Variants in MTHFD1L observed in about 807,000 individuals in gnomAD.
MTHFD1L encodes methylenetetrahydrofolate dehydrogenase (NADP+ dependent) 1 like.
MTHFD1L carries 81 observed loss-of-function variants against 119.5 expected under a neutral mutation model. The ratio of observed to expected loss-of-function variants is 0.68; its 90% CI spans 0.57 to 0.82. The LOEUF (loss-of-function observed/expected upper bound fraction) is 0.82, where lower values mean the gene tolerates loss of function less well. MTHFD1L is among the 40% of genes least tolerant of loss of function. The pLI, the probability that MTHFD1L is intolerant of heterozygous loss-of-function variation, is 0.00. For synonymous variants in MTHFD1L, 430 were observed against 475.2 expected (o/e 0.90, Z 1.24); for missense variants, 1,125 against 1,253.4 (o/e 0.90, Z 1.55).
intron 26 of MTHFD1L, among the ~76,000 whole-genome samples, chr6:151,037,767 C>T (rs1327036747): frequency 2.6e-4 from 40 of 152,188 alleles, no homozygotes; most frequent in Admixed American, 2.6e-3. Context: ...TTTGGTACAG[C>T]TACACAGTGA....
rs568984240 is a variant in MTHFD1L at position 150,982,948 on chromosome 6, C to T, written c.2125+10890C>T. Among the ~76,000 whole-genome samples the T allele has an allele frequency of 2.6e-5, 4 of 152,304 alleles. No individual in the cohort carries two copies. In the South Asian group the frequency reaches 8.3e-4, roughly 32 times the overall value. On this transcript the variant is annotated intron_variant, in intron 20 of 27. Coordinates refer to ENST00000367321, the MANE Select transcript of MTHFD1L (RefSeq NM_015440.5). ...CTCCTGACCTCAGGTGATCCACCCA[C>T]CTTGGCCTCCCAAAGTACTGGGATT...
In MTHFD1L at chr6:151,019,447, A is replaced by ATT. The variant is rs150569860; in HGVS notation, c.2586+3762_2586+3763dup. Among the ~76,000 whole-genome samples, 19 of 151,448 alleles carry ATT rather than the reference A, an allele frequency of 1.3e-4. 2 individuals are homozygous for ATT. In the East Asian group the frequency reaches 1.7e-3, roughly 14 times the overall value. Reference sequence around the variant, plus strand: ...CCTTTTCCTTTCCACTGATATTTCAATTTTTTTTTCTGAATTCCCATTCTT... The same window carrying ATT: ...CCTTTTCCTTTCCACTGATATTTCAATTTTTTTTTTTCTGAATTCCCATTCTT... On this transcript the variant is annotated intron_variant, in intron 24 of 27. Transcript: ENST00000367321.
intron 26 of MTHFD1L, among the ~76,000 whole-genome samples, chr6:151,046,267 A>G (rs971273801): frequency 6.6e-6 from 1 of 151,736 alleles, no homozygotes; most frequent in African/African-American, 2.4e-5. Flanking sequence ...CTGATTTTTT[A>G]CTCTTTGCAT....
At chr6:150,949,225 C>T (rs1794507754) in intron 16 of MTHFD1L, 92 bp downstream of exon 16, 2 of 986,866 alleles carry the variant, frequency 2.0e-6, no homozygotes, top group African/African-American at 3.2e-5. Flanking sequence ...ACAGTTTGAT[C>T]CTGTCCAGTG....
chr6:151,054,524 C>T (rs1789578173), intron 26 of MTHFD1L, among the ~76,000 whole-genome samples: 1 of 152,216 alleles, frequency 6.6e-6, no homozygotes, highest in Non-Finnish European at 1.5e-5. Flanking sequence ...CCCGGCCCCT[C>T]TCCGGAGTGT....
chr6:150,979,632 C>A (rs1237214891), intron 20 of MTHFD1L, among the ~76,000 whole-genome samples: 1 of 152,136 alleles, frequency 6.6e-6, no homozygotes, highest in Non-Finnish European at 1.5e-5. Context: ...TCCCAAGTAG[C>A]TGGGATTACA....
At chr6:150,968,998 G>A (rs1353247929) in intron 19 of MTHFD1L, among the ~76,000 whole-genome samples, 1 of 151,464 alleles carries the variant, frequency 6.6e-6, no homozygotes, top group Non-Finnish European at 1.5e-5. Flanking sequence ...ACAGGCGCCC[G>A]CTACCATGCC....
At chr6:151,040,125 A>G (rs1339501992) in intron 26 of MTHFD1L, among the ~76,000 whole-genome samples, 1 of 152,104 alleles carries the variant, frequency 6.6e-6, no homozygotes, top group African/African-American at 2.4e-5. Flanking sequence ...AGAGCATGAA[A>G]TGGTAGAGTA....
intron 24 of MTHFD1L, 53 bp downstream of exon 24, chr6:151,015,746 G>T: frequency 6.4e-7 from 1 of 1,573,718 alleles, no homozygotes; most frequent in Non-Finnish European, 8.6e-7. Flanking sequence ...AGCATGGGTT[G>T]TCCCATTCTG....
chr6:151,037,167 G>C, intron 26 of MTHFD1L, 50 bp downstream of exon 26: 1 of 1,596,520 alleles, frequency 6.3e-7, no homozygotes. Flanking sequence ...CATTGCTGTG[G>C]TGCCTCAAAT....
Position 150,865,919 on chromosome 6 carries a change from A to AGCGGCG in MTHFD1L, c.105_110dup (p.Gly41_Gly42dup), listed in dbSNP as rs908417383. The AGCGGCG allele has an allele frequency of 4.2e-6, 5 of 1,197,794 alleles. No individual in the cohort carries two copies. The highest frequency in any genetic ancestry group is 3.2e-5 in the African/African-American group (2 of 62,160). 74.2% of individuals were successfully genotyped at this position (1,197,794 alleles called of 1,614,324 possible). Reference sequence around the variant, plus strand: ...CCTCCGTGTGCCCTGTCGCGCTAGCAGCGGCGGCGGCGGAGGCGGCGGCGG... The same window carrying AGCGGCG: ...CCTCCGTGTGCCCTGTCGCGCTAGCAGCGGCGGCGGCGGCGGCGGAGGCGGCGGCGG... On this transcript the variant is annotated inframe_insertion, in exon 1 of 28. Coordinates refer to ENST00000367321, the MANE Select transcript of MTHFD1L (RefSeq NM_015440.5).
intron 20 of MTHFD1L, among the ~76,000 whole-genome samples, chr6:150,996,944 C>A (rs1012258903): frequency 6.6e-6 from 1 of 152,144 alleles, no homozygotes; most frequent in Non-Finnish European, 1.5e-5. Context: ...GGAAAAGAGC[C>A]ACCTCTGCTC....
chr6:151,045,532 G>A (rs1787865979), intron 26 of MTHFD1L, among the ~76,000 whole-genome samples: 1 of 152,182 alleles, frequency 6.6e-6, no homozygotes, highest in African/African-American at 2.4e-5. Context: ...TCCTGGTTTG[G>A]CCCCATCTGT....
Position 150,936,793 on chromosome 6 carries a change from C to T in MTHFD1L, c.1257-11C>T. ...AATATTATAAAATTCACTTTCTCCC[C>T]CCGAACTCAGGATCACACCCACCCC... On this transcript the variant is annotated splice_polypyrimidine_tract_variant and intron_variant, in intron 11 of 27. Transcript: ENST00000367321. 1.2e-6 allele frequency: 2 copies of T among 1,609,068 alleles called. No individual in the cohort carries two copies. Among genetic ancestry groups the T allele is most frequent in the East Asian group, 2.2e-5 (1 of 44,664 alleles).
At chr6:150,986,638 C>T (rs1347608247) in intron 20 of MTHFD1L, among the ~76,000 whole-genome samples, 1 of 152,184 alleles carries the variant, frequency 6.6e-6, no homozygotes, top group Non-Finnish European at 1.5e-5. Flanking sequence ...GCTCACTTGC[C>T]CGCTGCTCAC....
At chr6:150,972,577 G>A (rs1798125300) in intron 20 of MTHFD1L, among the ~76,000 whole-genome samples, 1 of 152,180 alleles carries the variant, frequency 6.6e-6, no homozygotes, top group African/African-American at 2.4e-5. Flanking sequence ...AGGAGTTTGT[G>A]TCCAGCCTGG....
intron 7 of MTHFD1L, among the ~76,000 whole-genome samples, chr6:150,896,538 C>A (rs2128810347): frequency 1.3e-5 from 2 of 152,276 alleles, no homozygotes; most frequent in Admixed American, 1.3e-4. Context: ...TGGCTGAGGT[C>A]ATCAGTAGCC....
intron 16 of MTHFD1L, among the ~76,000 whole-genome samples, chr6:150,954,324 G>A (rs1029791645): frequency 4.6e-5 from 7 of 152,118 alleles, no homozygotes; most frequent in African/African-American, 1.7e-4. Context: ...TTGTTGCATT[G>A]GTATTCACTA....
At chr6:150,907,332 A>G (rs1174431445) in intron 8 of MTHFD1L, among the ~76,000 whole-genome samples, 1 of 152,226 alleles carries the variant, frequency 6.6e-6, no homozygotes, top group Non-Finnish European at 1.5e-5. Flanking sequence ...TTTGAAAAAA[A>G]GTATTCCCTG....
Sources: allele counts gnomAD v4.1 joint callset (sites outside exome capture counted in the v4.1 genomes callset), GRCh38; gene constraint gnomAD v4.1.1; transcripts MANE v1.5; gene names NCBI Gene and HGNC (gene_info 2026-07-23, HGNC 2026-07-21).